LCOR: variants seen among roughly 807,000 people sequenced by gnomAD.
The protein encoded by LCOR is ligand-dependent corepressor.
In LCOR, 14 loss-of-function variants were observed where a neutral mutation model predicts 64.4. That is an observed-to-expected ratio of 0.22 (90% CI 0.14 to 0.34). The LOEUF is 0.34. LCOR is among the 10% of genes least tolerant of loss of function. The pLI is 1.00. For synonymous variants in LCOR, 643 were observed against 642.5 expected (o/e 1.00, Z -0.01); for missense variants, 1,686 against 1,765.3 (o/e 0.96, Z 0.80).
intron 4 of LCOR, among the ~76,000 whole-genome samples, chr10:96,941,199 CA>C (rs1847461825): frequency 7.2e-6 from 1 of 139,134 alleles, no homozygotes; most frequent in Non-Finnish European, 1.6e-5. Flanking sequence ...CTGACCCCCC[CA>C]CCTCCCTCCC....
At chr10:96,887,419 CG>C (rs1406126207) in intron 2 of LCOR, among the ~76,000 whole-genome samples, 3 of 151,822 alleles carry the variant, frequency 2.0e-5, no homozygotes, top group African/African-American at 7.3e-5. Context: ...AAAAATTAGC[CG>C]GGCGTCGTGG....
intron 2 of LCOR, among the ~76,000 whole-genome samples, chr10:96,891,998 A>G (rs989743047): frequency 8.5e-5 from 13 of 152,134 alleles, no homozygotes; most frequent in South Asian, 2.1e-4. Context: ...ATTTACGGCA[A>G]GTTTTTTTGT....
rs566063532 is a variant in LCOR at position 96,956,323 on chromosome 10, G to A, written c.332+4127G>A. 2.6e-4 allele frequency: 262 copies of A among 992,526 alleles called. 1 individual carries two copies. The African/African-American group carries it at 3.6e-3, about 14-fold the overall frequency. The allele number at this position is 992,526 out of a possible 1,614,324, so 61.5% of individuals were successfully genotyped here. A position where few individuals can be genotyped will look rare whatever the true frequency, so the allele number is the denominator to read the frequency against. The stretch of plus-strand genomic sequence containing the variant: ...AACAAAGCCCCCTTTTAGAAACTAC[G>A]TCTGTCATACTGGGAGCTTTATCAC... On this transcript the variant is annotated intron_variant, in intron 7 of 7. Transcript: ENST00000421806.
At chr10:96,910,887 A>G (rs1846819102) in intron 4 of LCOR, among the ~76,000 whole-genome samples, 1 of 152,212 alleles carries the variant, frequency 6.6e-6, no homozygotes, top group East Asian at 1.9e-4. Context: ...AAGCAAATAC[A>G]TTATTTATAT....
chr10:96,876,102 CAGAATACCTG>C (rs1846160263), intron 2 of LCOR, among the ~76,000 whole-genome samples: 1 of 151,014 alleles, frequency 6.6e-6, no homozygotes, highest in African/African-American at 2.4e-5. Context: ...GTTGCTATGA[CAGAATACCTG>C]AGACTGGGTA....
chr10:96,969,198 CATT>C (rs902688469), intron 7 of LCOR, among the ~76,000 whole-genome samples: 2 of 152,266 alleles, frequency 1.3e-5, no homozygotes, highest in African/African-American at 4.8e-5. Context: ...GTCAGATTGA[CATT>C]ATGCAAGAAA....
chr10:96,877,314 A>G (rs775529127), intron 2 of LCOR, among the ~76,000 whole-genome samples: 8 of 152,154 alleles, frequency 5.3e-5, no homozygotes, highest in Non-Finnish European at 1.2e-4. Context: ...GCTTGAGCTC[A>G]GGAGTTCAAG....
In LCOR at chr10:96,921,349, T is replaced by C. The variant is rs946402046; in HGVS notation, c.-184+13602T>C. Reference sequence around the variant, plus strand: ...GTGTCGTGAAGCTTTCCGAACCCTGTTTTCTTCTAAAAGTTTTATAGTTTT... The same window carrying C: ...GTGTCGTGAAGCTTTCCGAACCCTGCTTTCTTCTAAAAGTTTTATAGTTTT... On this transcript the variant is annotated intron_variant, in intron 4 of 7. Coordinates refer to ENST00000421806, the MANE Select transcript of LCOR (RefSeq NM_001346516.2). Among the ~76,000 whole-genome samples, 5 of 152,180 alleles carry C rather than the reference T, an allele frequency of 3.3e-5. No individual in the cohort carries two copies. In the South Asian group the frequency reaches 1.0e-3, roughly 31 times the overall value.
chr10:96,928,012 T>A (rs1191993978), intron 4 of LCOR, among the ~76,000 whole-genome samples: 2 of 152,232 alleles, frequency 1.3e-5, no homozygotes, highest in African/African-American at 4.8e-5. Context: ...AACAATTATG[T>A]GAGCCTTCAG....
chr10:96,892,713 C>T (rs540253849), intron 2 of LCOR, among the ~76,000 whole-genome samples: 6 of 152,288 alleles, frequency 3.9e-5, no homozygotes, highest in East Asian at 1.9e-4. Context: ...GTTAGACCAT[C>T]GCAGTGCCTA....
chr10:96,987,664 G>T lies in LCOR; in HGVS notation c.*2530G>T, dbSNP rs1172134073. On this transcript the variant is annotated 3_prime_UTR_variant, in exon 8 of 8. Transcript: ENST00000421806. ...GTCTACATAATTATGACACTTAAAA[G>T]TTTAGAATTTTTTATATTTGTTGAA... The T allele has an allele frequency of 6.6e-6, 1 of 152,108 alleles. No individual in the cohort carries two copies. The highest frequency in any genetic ancestry group is 2.4e-5 in the African/African-American group (1 of 41,410). The allele number at this position is 152,108 out of a possible 1,614,324, so 9.4% of individuals were successfully genotyped here.
At chr10:96,927,876 A>AT (rs1007394050) in intron 4 of LCOR, among the ~76,000 whole-genome samples, 3 of 152,124 alleles carry the variant, frequency 2.0e-5, no homozygotes, top group Non-Finnish European at 2.9e-5. Context: ...AAGTCACATT[A>AT]TTTTTTTGGT....
chr10:96,944,189 T>G lies in LCOR; in HGVS notation c.-107T>G, dbSNP rs1172041983. On this transcript the variant is annotated 5_prime_UTR_variant, in exon 5 of 8. Coordinates refer to ENST00000421806, the MANE Select transcript of LCOR (RefSeq NM_001346516.2). ...CTGCTTAAACAAGAGCAAGCAAAAATCATTCGATTCGAGAGACAAGCAGAA... is the reference window on the plus strand; with the variant it reads ...CTGCTTAAACAAGAGCAAGCAAAAAGCATTCGATTCGAGAGACAAGCAGAA... 1 of 985,578 alleles carries G rather than the reference T, an allele frequency of 1.0e-6. No individual in the cohort carries two copies. Among genetic ancestry groups the G allele is most frequent in the Non-Finnish European group, 1.2e-6 (1 of 829,910 alleles). 61.1% of individuals were successfully genotyped at this position (985,578 alleles called of 1,614,324 possible). A position where few individuals can be genotyped will look rare whatever the true frequency, so the allele number is the denominator to read the frequency against.
At chr10:96,870,772 G>A (rs1846059905) in intron 2 of LCOR, among the ~76,000 whole-genome samples, 1 of 151,936 alleles carries the variant, frequency 6.6e-6, no homozygotes, top group East Asian at 1.9e-4. Context: ...TCCTTCTTTA[G>A]TCATTCTATT....
At position 96,993,290 on chromosome 10, in the gene LCOR, CTT is replaced by C. The variant is rs553181665; in HGVS notation, c.*8159_*8160del. 2 of 152,142 alleles carry C rather than the reference CTT, an allele frequency of 1.3e-5. No individual in the cohort carries two copies. Among genetic ancestry groups the C allele is most frequent in the African/African-American group, 4.8e-5 (2 of 41,410 alleles). The allele number at this position is 152,142 out of a possible 1,614,324, so 9.4% of individuals were successfully genotyped here. A position where few individuals can be genotyped will look rare whatever the true frequency, so the allele number is the denominator to read the frequency against. Reference sequence around the variant, plus strand: ...ATATTTTCTTACGGCCTCCCTTTGTCTTTTCTAAACAAATGAGGCAGACACTT... The same window carrying C: ...ATATTTTCTTACGGCCTCCCTTTGTCTTCTAAACAAATGAGGCAGACACTT... On this transcript the variant is annotated 3_prime_UTR_variant, in exon 8 of 8. Coordinates refer to ENST00000421806, the MANE Select transcript of LCOR (RefSeq NM_001346516.2).
At position 96,957,120 on chromosome 10, in the gene LCOR, T is replaced by C. The variant is rs184312976; in HGVS notation, c.332+4924T>C. The C allele has an allele frequency of 1.1e-4, 105 of 985,238 alleles. No individual in the cohort carries two copies. In the Admixed American group the frequency reaches 3.3e-3, roughly 31 times the overall value. The allele number at this position is 985,238 out of a possible 1,614,324, so 61.0% of individuals were successfully genotyped here. On this transcript the variant is annotated intron_variant, in intron 7 of 7. Transcript: ENST00000421806. The stretch of plus-strand genomic sequence containing the variant: ...AAGTCAAGCTCATTGGAATTCCTTT[T>C]TTAACTGATCCAAATACTAGTAGAA...
chr10:96,854,572 T>G (rs553555588), intron 2 of LCOR, among the ~76,000 whole-genome samples: 150 of 152,138 alleles, frequency 9.9e-4, no homozygotes, highest in African/African-American at 3.4e-3. Flanking sequence ...AGTGATCCGC[T>G]GACCTCGGCC....
chr10:96,833,873 G>A (rs1329885494), intron 2 of LCOR, among the ~76,000 whole-genome samples: 6 of 152,108 alleles, frequency 3.9e-5, no homozygotes, highest in African/African-American at 2.4e-5. Context: ...GCGAGGGGGA[G>A]AACAGACACT....
intron 2 of LCOR, among the ~76,000 whole-genome samples, chr10:96,836,115 T>C (rs916767179): frequency 7.2e-5 from 11 of 152,358 alleles, no homozygotes; most frequent in Non-Finnish European, 1.5e-4. Context: ...ATGAGTCTCT[T>C]TGACTTTCAG....
Sources: allele counts gnomAD v4.1 joint callset (sites outside exome capture counted in the v4.1 genomes callset), GRCh38; gene constraint gnomAD v4.1.1; transcripts MANE v1.5; gene names NCBI Gene and HGNC (gene_info 2026-07-23, HGNC 2026-07-21).